Variants in PARD3 observed in about 807,000 individuals in gnomAD.
PARD3 encodes the protein par-3 family cell polarity regulator, also known as partitioning defective 3 homolog.
In PARD3, 75 loss-of-function variants were observed where a neutral mutation model predicts 155.4. The ratio of observed to expected loss-of-function variants is 0.48; its 90% CI spans 0.40 to 0.58. The LOEUF (loss-of-function observed/expected upper bound fraction) is 0.58. Ranked by LOEUF, PARD3 falls within the 20% of genes least tolerant of loss-of-function variation. The pLI, the probability that PARD3 is intolerant of heterozygous loss-of-function variation, is 0.00. For missense variants in PARD3, 1,642 were observed against 1,721.7 expected (o/e 0.95, Z 0.82); for synonymous variants, 576 against 610.5 (o/e 0.94, Z 0.83).
chr10:34,312,830 A>G (rs1037328205), intron 20 of PARD3, among the ~76,000 whole-genome samples: 2 of 152,218 alleles, frequency 1.3e-5, no homozygotes, highest in Non-Finnish European at 2.9e-5. Flanking sequence ...TTTAGAGTAC[A>G]TACAATTCTA....
intron 22 of PARD3, among the ~76,000 whole-genome samples, chr10:34,190,317 A>T (rs1393164430): frequency 6.6e-6 from 1 of 152,218 alleles, no homozygotes; most frequent in Non-Finnish European, 1.5e-5. Context: ...CATAAGCCAG[A>T]CACAAAGAAA....
At chr10:34,174,766 C>T (rs1381986863) in intron 22 of PARD3, among the ~76,000 whole-genome samples, 1 of 152,136 alleles carries the variant, frequency 6.6e-6, no homozygotes, top group Non-Finnish European at 1.5e-5. Context: ...TGACTTTGAC[C>T]TTAAAATAAA....
Position 34,633,406 on chromosome 10 carries a change from T to C in PARD3, c.222+62912A>G, listed in dbSNP as rs568091384. 6.8e-4 allele frequency among the ~76,000 whole-genome samples: 103 copies of C among 151,972 alleles called. 1 individual carries two copies. Among genetic ancestry groups the C allele is most frequent in the African/African-American group, 2.4e-3 (101 of 41,436 alleles). ...TTCCTCTTTGCTTCTGTGAGTTTAA[T>C]GGTTTCAGATTCTGCGTATCCGTGA... On this transcript the variant is annotated intron_variant, in intron 2 of 24. Coordinates refer to ENST00000374788, the MANE Select transcript of PARD3 (RefSeq NM_001184785.2).
rs759131627 is a variant in PARD3, at chr10:34,399,335, G to A, written c.885C>T (p.Gly295=). The A allele has an allele frequency of 8.8e-6, 14 of 1,597,604 alleles. No homozygotes were observed. In the East Asian group the frequency reaches 1.3e-4, roughly 15 times the overall value. Residue 295 remains glycine (G), a synonymous_variant, in exon 7 of 25, where the codon GGC becomes GGT. Transcript: ENST00000374788. ...GIHVVPFSAR[G]GRTLGLLVKR... ...AAACCTCCAAGATACGTTACCTGCC[G>A]CCTCGAGCACTGAAAGGCACTACGT...
intron 7 of PARD3, 26 bp downstream of exon 7, chr10:34,399,304 A>T: frequency 7.2e-7 from 1 of 1,381,146 alleles, no homozygotes; most frequent in Non-Finnish European, 1.0e-6. Context: ...ATTATGATTC[A>T]ATTAAAAACC....
At chr10:34,429,668 C>G (rs759111391) in intron 5 of PARD3, among the ~76,000 whole-genome samples, 1 of 152,130 alleles carries the variant, frequency 6.6e-6, no homozygotes, top group Non-Finnish European at 1.5e-5. Flanking sequence ...TCACCACAAC[C>G]TCCGCCTCCC....
At chr10:34,542,232 T>C (rs369218224) in intron 2 of PARD3, among the ~76,000 whole-genome samples, 1,258 of 4,586 alleles carry the variant, frequency 0.27, 50 homozygotes, top group African/African-American at 0.3. Flanking sequence ...TGTGTGTGTG[T>C]GTGTGTGCAC....
intron 3 of PARD3, among the ~76,000 whole-genome samples, chr10:34,477,067 ATCT>A (rs1036189164): frequency 4.6e-4 from 70 of 152,260 alleles, no homozygotes; most frequent in African/African-American, 1.5e-3. Flanking sequence ...ATAAAACATG[ATCT>A]TCTCACCTAT....
chr10:34,278,073 GT>G, intron 21 of PARD3, among the ~76,000 whole-genome samples: 1 of 152,176 alleles, frequency 6.6e-6, no homozygotes, highest in African/African-American at 2.4e-5. Context: ...AGAGACAGGG[GT>G]CTTACTCTGT....
At chr10:34,759,726 C>T (rs1029419602) in intron 1 of PARD3, among the ~76,000 whole-genome samples, 6 of 152,192 alleles carry the variant, frequency 3.9e-5, no homozygotes, top group African/African-American at 9.7e-5. Context: ...GCCAGCATAA[C>T]GTGTGTGCTG....
intron 20 of PARD3, among the ~76,000 whole-genome samples, chr10:34,305,118 A>T (rs1248716291): frequency 1.3e-5 from 2 of 152,088 alleles, no homozygotes; most frequent in Admixed American, 6.5e-5. Flanking sequence ...TCCTTTTTTT[A>T]AAAAAAGACT....
At chr10:34,777,044 G>A (rs955267025) in intron 1 of PARD3, among the ~76,000 whole-genome samples, 6 of 140,622 alleles carry the variant, frequency 4.3e-5, no homozygotes, top group African/African-American at 1.1e-4. Flanking sequence ...GTAGAGACAC[G>A]GTTTCACCAT....
At chr10:34,681,717 TTACGTATGTATTTTATATATA>T (rs1460810374) in intron 2 of PARD3, among the ~76,000 whole-genome samples, 6 of 133,496 alleles carry the variant, frequency 4.5e-5, no homozygotes, top group Non-Finnish European at 3.2e-5. Context: ...TATATGTATT[TTACGTATGTATTTTATATATA>T]TATATATATA....
intron 5 of PARD3, among the ~76,000 whole-genome samples, chr10:34,411,942 G>A (rs1845120945): frequency 6.6e-6 from 1 of 150,948 alleles, no homozygotes. Context: ...GTGTGTGTGT[G>A]TGTGTGTGTG....
At chr10:34,766,063 A>C (rs1475041495) in intron 1 of PARD3, among the ~76,000 whole-genome samples, 2 of 152,180 alleles carry the variant, frequency 1.3e-5, no homozygotes, top group African/African-American at 2.4e-5. Flanking sequence ...CTTTTATTGA[A>C]ATTACTCCTT....
chr10:34,597,919 T>C (rs1249006512), intron 2 of PARD3, among the ~76,000 whole-genome samples: 1 of 152,164 alleles, frequency 6.6e-6, no homozygotes, highest in Admixed American at 6.5e-5. Context: ...TGCCACTGGG[T>C]GTCAATTACT....
At chr10:34,679,561 G>A (rs576126502) in intron 2 of PARD3, among the ~76,000 whole-genome samples, 6 of 152,170 alleles carry the variant, frequency 3.9e-5, no homozygotes, top group Middle Eastern at 3.4e-3. Context: ...TGGAGTGATC[G>A]GATGCTCAAA....
intron 1 of PARD3, among the ~76,000 whole-genome samples, chr10:34,764,323 A>G (rs1195659173): frequency 6.6e-6 from 1 of 152,230 alleles, no homozygotes; most frequent in African/African-American, 2.4e-5. Context: ...CTCACCTGAC[A>G]TGTTATGGCC....
intron 22 of PARD3, among the ~76,000 whole-genome samples, chr10:34,209,313 G>A (rs983377052): frequency 1.3e-5 from 2 of 152,152 alleles, no homozygotes; most frequent in Non-Finnish European, 2.9e-5. Context: ...TTGGTTATCA[G>A]GAGCAGGAGC....
Sources: allele counts gnomAD v4.1 joint callset (sites outside exome capture counted in the v4.1 genomes callset), GRCh38; gene constraint gnomAD v4.1.1; transcripts MANE v1.5; gene names NCBI Gene and HGNC (gene_info 2026-07-23, HGNC 2026-07-21).